ZCWPW2: variants seen among roughly 807,000 people sequenced by gnomAD.
ZCWPW2 encodes zinc finger CW-type and PWWP domain containing 2.
In ZCWPW2, 45 loss-of-function variants were observed where a neutral mutation model predicts 46.6. The ratio of observed to expected loss-of-function variants is 0.96; its 90% CI spans 0.76 to 1.24. The LOEUF (loss-of-function observed/expected upper bound fraction) is 1.24, where lower values mean the gene tolerates loss of function less well. Ranked by LOEUF, ZCWPW2 falls within the 50% of genes most tolerant of loss-of-function variation. The probability of loss-of-function intolerance (pLI) is 0.00; values close to 1 mark genes in which losing one functional copy is unlikely to be tolerated. For synonymous variants in ZCWPW2, 152 were observed against 137.1 expected, an observed-to-expected ratio of 1.11 and a Z score of -0.76; for missense variants, 429 against 403.9, an observed-to-expected ratio of 1.06 and a Z score of -0.53.
At chr3:28,353,376 A>C (rs1218605243) in intron 1 of ZCWPW2, among the ~76,000 whole-genome samples, 1 of 152,166 alleles carries the variant, frequency 6.6e-6, no homozygotes, top group East Asian at 1.9e-4. Context: ...TGAAACACTA[A>C]AATATATTAT....
At chr3:28,465,939 T>C (rs1007827202) in intron 4 of ZCWPW2, among the ~76,000 whole-genome samples, 1 of 152,262 alleles carries the variant, frequency 6.6e-6, no homozygotes, top group East Asian at 1.9e-4. Context: ...ATGCCCATCA[T>C]TGGTAGGCTG....
At chr3:28,429,634 G>T (rs1302357987) in intron 3 of ZCWPW2, among the ~76,000 whole-genome samples, 1 of 152,166 alleles carries the variant, frequency 6.6e-6, no homozygotes, top group African/African-American at 2.4e-5. Flanking sequence ...TGTCTCCAGG[G>T]CATATCAGAG....
chr3:28,352,526 T>C (rs1704591147), intron 1 of ZCWPW2, among the ~76,000 whole-genome samples: 1 of 152,190 alleles, frequency 6.6e-6, no homozygotes, highest in Non-Finnish European at 1.5e-5. Flanking sequence ...AGTAAATGAC[T>C]GTGATGAATG....
intron 2 of ZCWPW2, among the ~76,000 whole-genome samples, chr3:28,401,300 AAATGCTCCACT>A (rs1415406624): frequency 2.0e-5 from 3 of 152,216 alleles, no homozygotes; most frequent in Non-Finnish European, 4.4e-5. Flanking sequence ...TAAATGGCCT[AAATGCTCCACT>A]TAAGAGATAA....
intron 4 of ZCWPW2, among the ~76,000 whole-genome samples, chr3:28,449,575 T>G (rs1698143359): frequency 6.6e-6 from 1 of 152,172 alleles, no homozygotes; most frequent in Non-Finnish European, 1.5e-5. Flanking sequence ...GCTTTCAAGA[T>G]GAAAACAGTT....
intron 2 of ZCWPW2, among the ~76,000 whole-genome samples, chr3:28,404,579 G>A (rs1696082128): frequency 6.6e-6 from 1 of 152,092 alleles, no homozygotes; most frequent in South Asian, 2.1e-4. Context: ...GCACATTCAT[G>A]TTTATAACAG....
At chr3:28,480,156 C>A (rs561239824) in intron 5 of ZCWPW2, among the ~76,000 whole-genome samples, 1 of 152,176 alleles carries the variant, frequency 6.6e-6, no homozygotes, top group Admixed American at 6.5e-5. Context: ...CTGTCTTACA[C>A]AATGGTTGAA....
At chr3:28,515,724 T>C (rs1700545844) in intron 8 of ZCWPW2, 103 bp downstream of exon 8, 1 of 761,732 alleles carries the variant, frequency 1.3e-6, no homozygotes, top group Non-Finnish European at 2.1e-6. Context: ...CCTGTGTGTG[T>C]GTGTGTGTGT....
rs73048811 is a variant in ZCWPW2 at position 28,501,120 on chromosome 3, C to T, written c.657+8947C>T. Among the ~76,000 whole-genome samples the T allele has an allele frequency of 9.8e-3, 1,491 of 152,188 alleles. 7 individuals carry two copies. Among genetic ancestry groups the T allele is most frequent in the Non-Finnish European group, 0.015 (1,025 of 68,010 alleles). ...TAAAGATCTAATTGACTTTTATTAG[C>T]GATTCATGAATCTGGCAGCATCTTA... On this transcript the variant is annotated intron_variant, in intron 6 of 9. Coordinates refer to ENST00000383768, the MANE Select transcript of ZCWPW2 (RefSeq NM_001040432.4).
chr3:28,373,131 C>G (rs1365442250), intron 1 of ZCWPW2, among the ~76,000 whole-genome samples: 1 of 152,132 alleles, frequency 6.6e-6, no homozygotes, highest in African/African-American at 2.4e-5. Flanking sequence ...GAGAGTGAAG[C>G]TATCTCTTTG....
At chr3:28,437,824 G>GTGAAT (rs1404818057) in intron 4 of ZCWPW2, among the ~76,000 whole-genome samples, 1 of 152,176 alleles carries the variant, frequency 6.6e-6, no homozygotes, top group Non-Finnish European at 1.5e-5. Flanking sequence ...ATTCTTGAAA[G>GTGAAT]TATTCAGAGA....
chr3:28,489,668 G>GCACACACACA (rs1209352772), intron 5 of ZCWPW2, among the ~76,000 whole-genome samples: 2 of 39,524 alleles, frequency 5.1e-5, no homozygotes, highest in African/African-American at 1.4e-4. Context: ...ACACACGCGC[G>GCACACACACA]CACACACACA....
In ZCWPW2 at chr3:28,479,623, G is replaced by C. The variant is rs1030242468; in HGVS notation, c.610+692G>C. 2.0e-5 allele frequency among the ~76,000 whole-genome samples: 3 copies of C among 152,092 alleles called. No individual in the cohort carries two copies. The East Asian group carries it at 5.8e-4, about 29-fold the overall frequency. On this transcript the variant is annotated intron_variant, in intron 5 of 9. Transcript: ENST00000383768. ...TGTTATAAAGATATTTCATAACCCA[G>C]GTATTAAGCTTAGTACACATTAGTT...
At chr3:28,389,799 T>C (rs1253079912) in intron 1 of ZCWPW2, among the ~76,000 whole-genome samples, 2 of 152,170 alleles carry the variant, frequency 1.3e-5, no homozygotes, top group African/African-American at 2.4e-5. Flanking sequence ...GCCAGTGGGC[T>C]GGAGACTCAG....
At chr3:28,395,998 C>T (rs2125722728) in intron 2 of ZCWPW2, among the ~76,000 whole-genome samples, 1 of 152,026 alleles carries the variant, frequency 6.6e-6, no homozygotes, top group East Asian at 1.9e-4. Flanking sequence ...TGTTATATAC[C>T]TTGGTATATA....
intron 1 of ZCWPW2, among the ~76,000 whole-genome samples, chr3:28,374,561 G>T (rs568138797): frequency 6.6e-6 from 1 of 152,122 alleles, no homozygotes; most frequent in Admixed American, 6.5e-5. Context: ...AGGTTGCTTT[G>T]GGTAGTGTTA....
chr3:28,494,437 G>C (rs1699919167), intron 6 of ZCWPW2, among the ~76,000 whole-genome samples: 1 of 143,682 alleles, frequency 7.0e-6, no homozygotes, highest in African/African-American at 2.6e-5. Flanking sequence ...TTTTTCTCAG[G>C]TTTGTCAAAG....
At chr3:28,401,283 T>C (rs966762843) in intron 2 of ZCWPW2, among the ~76,000 whole-genome samples, 4 of 151,964 alleles carry the variant, frequency 2.6e-5, no homozygotes, top group African/African-American at 9.7e-5. Flanking sequence ...AATACTAACA[T>C]TGAATGTAAA....
At chr3:28,380,979 A>ATATATATATATATATATATTTGG (rs1695052039) in intron 1 of ZCWPW2, among the ~76,000 whole-genome samples, 1 of 45,524 alleles carries the variant, frequency 2.2e-5, no homozygotes. Flanking sequence ...TATTTGGTAT[A>ATATATATATATATATATATTTGG]TATATATATA....
Sources: gnomAD v4.1 joint callset for allele counts (sites outside exome capture counted in the v4.1 genomes callset) on GRCh38, gnomAD v4.1.1 for gene constraint, MANE v1.5 for transcripts, NCBI Gene and HGNC (gene_info 2026-07-23, HGNC 2026-07-21) for gene names.